GPC6: variants seen among roughly 807,000 people sequenced by gnomAD.
The protein encoded by GPC6 is glypican-6.
GPC6 carries 14 observed loss-of-function variants against 55.2 expected under a neutral mutation model. The ratio of observed to expected loss-of-function variants is 0.25; its 90% CI spans 0.17 to 0.40. The LOEUF is 0.40. GPC6 is among the 10% of genes least tolerant of loss of function. The probability of loss-of-function intolerance (pLI) is 1.00; values close to 1 mark genes in which losing one functional copy is unlikely to be tolerated. For missense variants in GPC6, 641 were observed against 708.5 expected (o/e 0.90, Z 1.08); for synonymous variants, 278 against 259.6 (o/e 1.07, Z -0.68).
chr13:93,482,684 A>C (rs1216072783), intron 1 of GPC6, among the ~76,000 whole-genome samples: 2 of 152,170 alleles, frequency 1.3e-5, no homozygotes, highest in Non-Finnish European at 2.9e-5. Context: ...AAGAAACAAA[A>C]GCACCAGGTG....
At chr13:94,149,640 C>G (rs535910677) in intron 4 of GPC6, among the ~76,000 whole-genome samples, 7 of 152,120 alleles carry the variant, frequency 4.6e-5, no homozygotes, top group African/African-American at 1.7e-4. Context: ...AATAAGAGGA[C>G]CAAGCCCTGT....
chr13:93,611,082 G>T (rs1878441910), intron 2 of GPC6, among the ~76,000 whole-genome samples: 1 of 152,050 alleles, frequency 6.6e-6, no homozygotes, highest in South Asian at 2.1e-4. Flanking sequence ...CTGTTTAAAA[G>T]AGTCTAAAAT....
chr13:93,515,132 T>C (rs1881136962), intron 1 of GPC6, among the ~76,000 whole-genome samples: 2 of 152,106 alleles, frequency 1.3e-5, no homozygotes, highest in Admixed American at 6.6e-5. Flanking sequence ...GCTCTCACTC[T>C]CGCTTTTGTC....
intron 2 of GPC6, among the ~76,000 whole-genome samples, chr13:93,796,238 T>C (rs74899458): frequency 0.03 from 4,635 of 152,214 alleles, 227 homozygotes; most frequent in African/African-American, 0.1. Flanking sequence ...AAAAAGATTG[T>C]AATCTCATAT....
At position 94,403,547 on chromosome 13, in the gene GPC6, T is replaced by G. The variant is rs1057319606; in HGVS notation, c.*330T>G. On this transcript the variant is annotated 3_prime_UTR_variant, in exon 9 of 9. Transcript: ENST00000377047. Reference sequence around the variant, plus strand: ...GGAATCTCACGTTGTGAGGGTTTTTTTTTTCTCATTTAAAATAAAAAAGGA... The same window carrying G: ...GGAATCTCACGTTGTGAGGGTTTTTGTTTTCTCATTTAAAATAAAAAAGGA... 2 of 295,672 alleles carry G rather than the reference T, an allele frequency of 6.8e-6. No homozygotes were observed. Among genetic ancestry groups the G allele is most frequent in the Non-Finnish European group, 1.3e-5 (2 of 154,570 alleles). 18.3% of individuals were successfully genotyped at this position (295,672 alleles called of 1,614,324 possible).
chr13:94,235,880 A>G (rs892796359), intron 4 of GPC6, among the ~76,000 whole-genome samples: 1 of 152,178 alleles, frequency 6.6e-6, no homozygotes, highest in Non-Finnish European at 1.5e-5. Flanking sequence ...TATTGAAGCT[A>G]GAAGACACCT....
chr13:93,942,597 C>G lies in GPC6; in HGVS notation c.712-85132C>G, dbSNP rs114147370. On this transcript the variant is annotated intron_variant, in intron 3 of 8. Transcript: ENST00000377047. ...TCGGCCTCCCAAAGGAGTGGGATTA[C>G]AGGCATGAGCCAGTGCACCCGGCCC... 3.1e-3 allele frequency among the ~76,000 whole-genome samples: 471 copies of G among 152,298 alleles called. 3 individuals are homozygous for G. Among genetic ancestry groups the G allele is most frequent in the African/African-American group, 0.011 (450 of 41,574 alleles).
At chr13:93,965,118 T>G (rs1266884073) in intron 3 of GPC6, among the ~76,000 whole-genome samples, 2 of 143,176 alleles carry the variant, frequency 1.4e-5, no homozygotes, top group African/African-American at 2.7e-5. Context: ...TTTTTTTTTT[T>G]TTTTTTTTTT....
chr13:93,855,949 GCCT>G (rs1888594355), intron 3 of GPC6, among the ~76,000 whole-genome samples: 1 of 151,516 alleles, frequency 6.6e-6, no homozygotes, highest in Non-Finnish European at 1.5e-5. Flanking sequence ...TATCAGATAT[GCCT>G]ACTGCAAATA....
intron 2 of GPC6, among the ~76,000 whole-genome samples, chr13:93,801,302 A>G (rs1886359758): frequency 6.6e-6 from 1 of 152,184 alleles, no homozygotes. Context: ...AAAGACTAGA[A>G]CTAAAGATAA....
intron 3 of GPC6, among the ~76,000 whole-genome samples, chr13:93,914,336 C>A (rs962852302): frequency 2.0e-5 from 3 of 151,932 alleles, no homozygotes; most frequent in African/African-American, 4.8e-5. Flanking sequence ...TTTGTCCTTG[C>A]GATAGTTTGC....
At chr13:93,512,811 T>G (rs1342689294) in intron 1 of GPC6, among the ~76,000 whole-genome samples, 1 of 152,068 alleles carries the variant, frequency 6.6e-6, no homozygotes, top group Non-Finnish European at 1.5e-5. Flanking sequence ...AAATTGGCAT[T>G]ATCTAGATAT....
chr13:93,249,976 G>C (rs1876729601), intron 1 of GPC6, among the ~76,000 whole-genome samples: 1 of 152,144 alleles, frequency 6.6e-6, no homozygotes, highest in Non-Finnish European at 1.5e-5. Context: ...ATTTTAGTCT[G>C]ATCTAGTTGA....
intron 4 of GPC6, among the ~76,000 whole-genome samples, chr13:94,232,078 T>C (rs531721592): frequency 7.9e-5 from 12 of 152,268 alleles, no homozygotes; most frequent in Admixed American, 7.8e-4. Context: ...CCGAAAAATA[T>C]ATTTTCTAAG....
chr13:94,319,882 TTGGGC>T (rs1235612606), intron 6 of GPC6, among the ~76,000 whole-genome samples: 1 of 152,202 alleles, frequency 6.6e-6, no homozygotes, highest in Non-Finnish European at 1.5e-5. Context: ...TTAGGATGTA[TTGGGC>T]TTCCTGAATT....
chr13:94,295,578 A>G (rs1185762288), intron 5 of GPC6, among the ~76,000 whole-genome samples: 1 of 152,176 alleles, frequency 6.6e-6, no homozygotes, highest in Non-Finnish European at 1.5e-5. Context: ...TTTTAGGAGA[A>G]AGCAGGCTCA....
chr13:93,358,175 TG>T (rs1015939105), intron 1 of GPC6, among the ~76,000 whole-genome samples: 1 of 152,026 alleles, frequency 6.6e-6, no homozygotes, highest in African/African-American at 2.4e-5. Flanking sequence ...AGCAAGACGC[TG>T]TCTCTACAAA....
intron 4 of GPC6, among the ~76,000 whole-genome samples, chr13:94,205,436 A>G (rs942348106): frequency 6.6e-6 from 1 of 152,224 alleles, no homozygotes; most frequent in Non-Finnish European, 1.5e-5. Flanking sequence ...ATCTTGTTTA[A>G]GAAAATAAGA....
intron 4 of GPC6, among the ~76,000 whole-genome samples, chr13:94,083,790 A>G (rs1885190088): frequency 6.6e-6 from 1 of 152,240 alleles, no homozygotes; most frequent in African/African-American, 2.4e-5. Context: ...CTGCATTACA[A>G]GGGAAGTTTT....
Sources: allele counts gnomAD v4.1 joint callset (sites outside exome capture counted in the v4.1 genomes callset), GRCh38; gene constraint gnomAD v4.1.1; transcripts MANE v1.5; gene names NCBI Gene and HGNC (gene_info 2026-07-23, HGNC 2026-07-21).